Variants in CSMD1 observed in about 807,000 individuals in gnomAD.
CSMD1 encodes the protein CUB and Sushi multiple domains 1, also known as CUB and sushi domain-containing protein 1.
Under a neutral mutation model 417.5 loss-of-function variants are expected in CSMD1, and 213 were observed. That is an observed-to-expected ratio of 0.51 (90% CI 0.46 to 0.57). The LOEUF is 0.57. CSMD1 is among the 20% of genes least tolerant of loss of function. The pLI is 0.00. For synonymous variants in CSMD1, 2,862 were observed against 1,736.8 expected (o/e 1.65, Z -16.11); for missense variants, 6,923 against 4,529.7 (o/e 1.53, Z -15.17).
intron 41 of CSMD1, among the ~76,000 whole-genome samples, chr8:3,138,170 G>T (rs554248367): frequency 6.6e-6 from 1 of 152,314 alleles, no homozygotes; most frequent in South Asian, 2.1e-4. Context: ...AGGGTGCAGT[G>T]AGCTGAGATT....
At chr8:4,942,560 A>G (rs2117243237) in intron 1 of CSMD1, among the ~76,000 whole-genome samples, 1 of 152,362 alleles carries the variant, frequency 6.6e-6, no homozygotes, top group South Asian at 2.1e-4. Flanking sequence ...TAATTCTCAC[A>G]TATTTAAAAG....
chr8:4,417,092 G>C (rs1345597488), intron 3 of CSMD1, among the ~76,000 whole-genome samples: 5 of 152,084 alleles, frequency 3.3e-5, no homozygotes, highest in African/African-American at 1.2e-4. Context: ...TCTATATTTA[G>C]CAGTTAAAAT....
At chr8:4,862,440 A>G (rs918573275) in intron 1 of CSMD1, among the ~76,000 whole-genome samples, 3 of 152,128 alleles carry the variant, frequency 2.0e-5, no homozygotes, top group African/African-American at 4.8e-5. Flanking sequence ...TGTTGGGTAG[A>G]GGCATGTGTG....
chr8:3,269,105 C>G (rs1348038347), intron 26 of CSMD1, among the ~76,000 whole-genome samples: 1 of 152,224 alleles, frequency 6.6e-6, no homozygotes, highest in African/African-American at 2.4e-5. Flanking sequence ...GTATACAAGA[C>G]TTAGAACTTC....
At chr8:3,902,845 T>C (rs1262627502) in intron 5 of CSMD1, among the ~76,000 whole-genome samples, 2 of 149,786 alleles carry the variant, frequency 1.3e-5, no homozygotes, top group African/African-American at 5.0e-5. Context: ...TCTTGGATAC[T>C]GAATAAATAG....
intron 42 of CSMD1, 54 bp downstream of exon 42, chr8:3,118,345 T>A (rs1193696736): frequency 8.5e-7 from 1 of 1,179,632 alleles, no homozygotes; most frequent in East Asian, 2.4e-5. Context: ...ATATTTAATG[T>A]GCTATTATGC....
At chr8:3,509,847 T>G (rs565680151) in intron 10 of CSMD1, among the ~76,000 whole-genome samples, 1 of 152,170 alleles carries the variant, frequency 6.6e-6, no homozygotes, top group Non-Finnish European at 1.5e-5. Flanking sequence ...AGGAAGCAAT[T>G]ATCAGGTTGG....
chr8:3,068,594 G>C (rs1196578185), intron 49 of CSMD1, among the ~76,000 whole-genome samples: 2 of 152,146 alleles, frequency 1.3e-5, no homozygotes, highest in African/African-American at 2.4e-5. Flanking sequence ...CGGGAAACAA[G>C]GTGCTGGCAT....
chr8:4,011,077 T>C (rs1816500999), intron 4 of CSMD1, among the ~76,000 whole-genome samples: 1 of 152,190 alleles, frequency 6.6e-6, no homozygotes, highest in Non-Finnish European at 1.5e-5. Flanking sequence ...CTGATGACTT[T>C]GGTTTCCATT....
intron 3 of CSMD1, among the ~76,000 whole-genome samples, chr8:4,277,216 T>C (rs73660727): frequency 1.2e-3 from 177 of 147,126 alleles, no homozygotes; most frequent in East Asian, 2.3e-3. Flanking sequence ...TATATATATA[T>C]ACACACAGAC....
chr8:3,138,395 G>C (rs1291085186), intron 41 of CSMD1, among the ~76,000 whole-genome samples: 2 of 152,182 alleles, frequency 1.3e-5, no homozygotes, highest in African/African-American at 2.4e-5. Flanking sequence ...TCCATCCCAA[G>C]TGACATTCAC....
chr8:3,895,036 T>C (rs1807262299), intron 5 of CSMD1, among the ~76,000 whole-genome samples: 1 of 152,174 alleles, frequency 6.6e-6, no homozygotes, highest in African/African-American at 2.4e-5. Flanking sequence ...GAGGTATTTA[T>C]TATTTGAATG....
intron 33 of CSMD1, among the ~76,000 whole-genome samples, chr8:3,194,492 C>G (rs142254932): frequency 1.7e-3 from 237 of 142,902 alleles, no homozygotes; most frequent in Middle Eastern, 7.2e-3. Context: ...GAAACTCATT[C>G]TGTCACCCAG....
intron 10 of CSMD1, among the ~76,000 whole-genome samples, chr8:3,527,108 A>T (rs1478522385): frequency 6.6e-6 from 1 of 151,986 alleles, no homozygotes; most frequent in Non-Finnish European, 1.5e-5. Flanking sequence ...GGAGCCCAGA[A>T]CCCAGAAGAA....
intron 1 of CSMD1, among the ~76,000 whole-genome samples, chr8:4,975,329 G>T (rs775334930): frequency 1.3e-5 from 2 of 152,182 alleles, no homozygotes; most frequent in African/African-American, 2.4e-5. Context: ...TGAGTTAAAA[G>T]CATTGGCAAT....
chr8:4,202,655 C>A (rs1479368341), intron 3 of CSMD1, among the ~76,000 whole-genome samples: 3 of 152,146 alleles, frequency 2.0e-5, no homozygotes, highest in African/African-American at 7.2e-5. Context: ...TACAACCAAC[C>A]CTGTAGCTAC....
At chr8:4,887,983 A>G (rs1004812202) in intron 1 of CSMD1, among the ~76,000 whole-genome samples, 2 of 152,044 alleles carry the variant, frequency 1.3e-5, no homozygotes, top group African/African-American at 4.8e-5. Context: ...AATCCAGTCT[A>G]ACAATATAGG....
At chr8:4,733,992 T>A (rs1810064460) in intron 1 of CSMD1, among the ~76,000 whole-genome samples, 1 of 152,212 alleles carries the variant, frequency 6.6e-6, no homozygotes, top group Non-Finnish European at 1.5e-5. Context: ...AAGTGAAGAT[T>A]CTCTTATCAA....
At chr8:4,397,674 A>C (rs1287873531) in intron 3 of CSMD1, among the ~76,000 whole-genome samples, 2 of 152,062 alleles carry the variant, frequency 1.3e-5, no homozygotes, top group African/African-American at 4.8e-5. Context: ...TTGCGGCAGT[A>C]AGATGAAGAA....
Sources: allele counts gnomAD v4.1 joint callset (sites outside exome capture counted in the v4.1 genomes callset), GRCh38; gene constraint gnomAD v4.1.1; transcripts MANE v1.5; gene names NCBI Gene and HGNC (gene_info 2026-07-23, HGNC 2026-07-21).